Variants in PAQR3 observed in about 807,000 individuals in gnomAD.
The protein encoded by PAQR3 is Raf kinase trapping to Golgi.
In PAQR3, 39 loss-of-function variants were observed where a neutral mutation model predicts 41.7. The ratio of observed to expected loss-of-function variants is 0.93; its 90% CI spans 0.72 to 1.22. The LOEUF (loss-of-function observed/expected upper bound fraction) is 1.22. Ranked by LOEUF, PAQR3 falls within the 50% of genes most tolerant of loss-of-function variation. The pLI is 0.00. For missense variants in PAQR3, 366 were observed against 385.6 expected (o/e 0.95, Z 0.42); for synonymous variants, 140 against 140.6 (o/e 1.00, Z 0.03).
chr4:78,909,421 C>T (rs913840957), downstream of PAQR3, among the ~76,000 whole-genome samples: 3 of 151,910 alleles, frequency 2.0e-5, no homozygotes, highest in Admixed American at 6.6e-5. Flanking sequence ...TTCCATTATA[C>T]ATGGAATTTT....
rs1560568209 is a variant in PAQR3, at chr4:78,918,428, CCATATT to C, written c.*2105_*2110del. On this transcript the variant is annotated 3_prime_UTR_variant, in exon 6 of 6. Transcript: ENST00000512733. Reference sequence around the variant, plus strand: ...AGAAGTGTTTCTAGTTAACAGCAATCCATATTCATTCATTCATTCCCTATTTTATAA... The same window carrying C: ...AGAAGTGTTTCTAGTTAACAGCAATCCATTCATTCATTCCCTATTTTATAA... The C allele has an allele frequency of 1.0e-6, 1 of 975,610 alleles. No individual in the cohort carries two copies. Among genetic ancestry groups the C allele is most frequent in the Non-Finnish European group, 1.2e-6 (1 of 820,790 alleles). The allele number at this position is 975,610 out of a possible 1,614,324, so 60.4% of individuals were successfully genotyped here.
Position 78,919,766 on chromosome 4 carries a change from G to A in PAQR3, c.*773C>T. 1 of 983,786 alleles carries A rather than the reference G, an allele frequency of 1.0e-6. No individual in the cohort carries two copies. The highest frequency in any genetic ancestry group is 1.2e-6 in the Non-Finnish European group (1 of 828,630). The allele number at this position is 983,786 out of a possible 1,614,324, so 60.9% of individuals were successfully genotyped here. A position where few individuals can be genotyped will look rare whatever the true frequency, so the allele number is the denominator to read the frequency against. ...ACTCACAAGAATTCAGTTATTATATGGAATTAAATAATATCTGGAATTAAA... is the reference window on the plus strand; with the variant it reads ...ACTCACAAGAATTCAGTTATTATATAGAATTAAATAATATCTGGAATTAAA... On this transcript the variant is annotated 3_prime_UTR_variant, in exon 6 of 6. Coordinates refer to ENST00000512733, the MANE Select transcript of PAQR3 (RefSeq NM_001040202.2).
Position 78,918,942 on chromosome 4 carries a change from A to T in PAQR3, c.*1597T>A. ...ACATATGGATCAAAATTTTAACCTT[A>T]TAAGGTAAAACAGCCATTTTCAAAG... On this transcript the variant is annotated 3_prime_UTR_variant, in exon 6 of 6. Transcript: ENST00000512733. 1.0e-6 allele frequency: 1 copy of T among 985,100 alleles called. No homozygotes were observed. The highest frequency in any genetic ancestry group is 1.7e-5 in the African/African-American group (1 of 57,310). The allele number at this position is 985,100 out of a possible 1,614,324, so 61.0% of individuals were successfully genotyped here.
chr4:78,930,535 G>T, intron 2 of PAQR3: 1 of 365,458 alleles, frequency 2.7e-6, no homozygotes, highest in Non-Finnish European at 4.8e-6. Flanking sequence ...TTCCCTCATG[G>T]GTAAAATGTA....
At chr4:78,933,010 T>C (rs569379352) in intron 2 of PAQR3, 112 of 357,590 alleles carry the variant, frequency 3.1e-4, no homozygotes, top group Non-Finnish European at 5.0e-4. Context: ...CATGATTTGA[T>C]CCCTGCCAAT....
chr4:78,926,704 C>T lies in PAQR3; in HGVS notation c.519G>A (p.Val173=), dbSNP rs199538246. 789 of 1,613,696 alleles carry T rather than the reference C, an allele frequency of 4.9e-4. 14 individuals are homozygous for T. The South Asian group carries it at 6.9e-3, about 14-fold the overall frequency. ...AFYCNNYWRQ[V]YLITVLAMIL... ...TCATAGCAAGCACTGTGATCAAGTA[C>T]ACCTGACGCCAGTACTAGAATGAAA... The change falls in exon 4 of 6, where the codon GTG becomes GTA. Residue 173 remains valine (V), a synonymous_variant. Transcript: ENST00000512733.
chr4:78,891,279 T>C (rs1350020984), intron 11 of PAQR3, among the ~76,000 whole-genome samples: 1 of 152,152 alleles, frequency 6.6e-6, no homozygotes, highest in Non-Finnish European at 1.5e-5. Context: ...CTCTTTTTCT[T>C]ATTCCTGCTC....
In PAQR3 at chr4:78,918,673, G is replaced by A. The variant is rs1735338670; in HGVS notation, c.*1866C>T. On this transcript the variant is annotated 3_prime_UTR_variant, in exon 6 of 6. Coordinates refer to ENST00000512733, the MANE Select transcript of PAQR3 (RefSeq NM_001040202.2). ...GTATGTATTCATATACTAATACAGG[G>A]ACTGCAAAAATTGAAATGATTCAAT... 1 of 954,474 alleles carries A rather than the reference G, an allele frequency of 1.0e-6. No individual in the cohort carries two copies. The highest frequency in any genetic ancestry group is 1.8e-5 in the African/African-American group (1 of 56,396). 59.1% of individuals were successfully genotyped at this position (954,474 alleles called of 1,614,324 possible).
At chr4:78,900,037 C>T (rs1452955929) in intron 11 of PAQR3, among the ~76,000 whole-genome samples, 1 of 152,126 alleles carries the variant, frequency 6.6e-6, no homozygotes, top group East Asian at 1.9e-4. Flanking sequence ...TTCCTTTATA[C>T]ACTAATTTTC....
chr4:78,902,999 GTTGTTTTAGGCATTGAC>G (rs1734089321), intron 11 of PAQR3, among the ~76,000 whole-genome samples: 1 of 151,838 alleles, frequency 6.6e-6, no homozygotes, highest in Non-Finnish European at 1.5e-5. Context: ...CCTAAGAAAT[GTTGTTTTAGGCATTGAC>G]TACAAATTTT....
At chr4:78,923,051 CACTATT>C (rs1418581921) in intron 5 of PAQR3, 2 of 446,808 alleles carry the variant, frequency 4.5e-6, no homozygotes, top group Non-Finnish European at 9.0e-6. Context: ...TCTTAACTTT[CACTATT>C]TTCTTCCTAG....
chr4:78,939,058 G>T lies in PAQR3; in HGVS notation c.167C>A (p.Ser56Tyr). The T allele has an allele frequency of 6.2e-7, 1 of 1,607,882 alleles. No homozygotes were observed. The highest frequency in any genetic ancestry group is 8.5e-7 in the Non-Finnish European group (1 of 1,175,642). ...ACCGTACCTTTTGATACACAGCCTG[G>T]ACGGCAGGTAGGCCCGGTAGCCGTC... ...ITDGYRAYLP[S>Y]RLCIKSLFIL... The change falls in exon 1 of 6, where the codon TCC becomes TAC. Residue 56 changes from serine (S) to tyrosine (Y), a missense_variant. Ser to Tyr is a moderately radical substitution (Grantham distance 144). Coordinates refer to ENST00000512733, the MANE Select transcript of PAQR3 (RefSeq NM_001040202.2).
At position 78,918,577 on chromosome 4, in the gene PAQR3, C is replaced by T. The variant is rs1265023872; in HGVS notation, c.*1962G>A. The T allele has an allele frequency of 1.0e-6, 1 of 974,072 alleles. No individual in the cohort carries two copies. Among genetic ancestry groups the T allele is most frequent in the Non-Finnish European group, 1.2e-6 (1 of 819,524 alleles). The allele number at this position is 974,072 out of a possible 1,614,324, so 60.3% of individuals were successfully genotyped here. ...TTTCCCTACAGAAAGACCTGTACACCCTTTAAATTCAAAGAAACACGGATT... is the reference window on the plus strand; with the variant it reads ...TTTCCCTACAGAAAGACCTGTACACTCTTTAAATTCAAAGAAACACGGATT... On this transcript the variant is annotated 3_prime_UTR_variant, in exon 6 of 6. Transcript: ENST00000512733.
At chr4:78,905,312 C>T (rs1018322609) in intron 11 of PAQR3, among the ~76,000 whole-genome samples, 7 of 151,652 alleles carry the variant, frequency 4.6e-5, no homozygotes, top group Non-Finnish European at 8.9e-5. Context: ...ATTTTTAGTT[C>T]GTAGTTCCAA....
At chr4:78,938,942 T>G in intron 1 of PAQR3, 98 bp downstream of exon 1, 1 of 1,204,374 alleles carries the variant, frequency 8.3e-7, no homozygotes, top group South Asian at 1.5e-5. Context: ...GAGGAAATGA[T>G]GGGCAAGCAG....
intron 5 of PAQR3, chr4:78,921,885 T>G: frequency 1.0e-6 from 1 of 985,106 alleles, no homozygotes; most frequent in East Asian, 1.1e-4. Context: ...AAACTCAATA[T>G]GCTCTGCTAC....
rs1474301348 is a variant in PAQR3 at position 78,916,266 on chromosome 4, T to C, written c.*4273A>G. Reference sequence around the variant, plus strand: ...TTCTGTCCCTGATTCACTGTTTTGTTTGAAATTTAAAGTTATTTTCTTACT... The same window carrying C: ...TTCTGTCCCTGATTCACTGTTTTGTCTGAAATTTAAAGTTATTTTCTTACT... On this transcript the variant is annotated 3_prime_UTR_variant, in exon 6 of 6. Coordinates refer to ENST00000512733, the MANE Select transcript of PAQR3 (RefSeq NM_001040202.2). The C allele has an allele frequency of 6.6e-6, 1 of 151,972 alleles. No homozygotes were observed. The highest frequency in any genetic ancestry group is 1.5e-5 in the Non-Finnish European group (1 of 67,870). 9.4% of individuals were successfully genotyped at this position (151,972 alleles called of 1,614,324 possible). A position where few individuals can be genotyped will look rare whatever the true frequency, so the allele number is the denominator to read the frequency against.
downstream of PAQR3, among the ~76,000 whole-genome samples, chr4:78,909,601 C>T (rs773410935): frequency 4.6e-5 from 7 of 152,114 alleles, no homozygotes; most frequent in Admixed American, 6.6e-5. Context: ...TTTATATATG[C>T]CATTGCTTTT....
At chr4:78,925,311 A>G (rs1350639404) in intron 4 of PAQR3, among the ~76,000 whole-genome samples, 1 of 151,840 alleles carries the variant, frequency 6.6e-6, no homozygotes, top group Non-Finnish European at 1.5e-5. Flanking sequence ...ATCAACAACC[A>G]ATTATTCCAG....
Sources: gnomAD v4.1 joint callset for allele counts (sites outside exome capture counted in the v4.1 genomes callset) on GRCh38, gnomAD v4.1.1 for gene constraint, MANE v1.5 for transcripts, NCBI Gene and HGNC (gene_info 2026-07-23, HGNC 2026-07-21) for gene names.